CACNA2D3: variants seen among roughly 807,000 people sequenced by gnomAD.
CACNA2D3 encodes calcium voltage-gated channel auxiliary subunit alpha2delta 3.
In CACNA2D3, 60 loss-of-function variants were observed where a neutral mutation model predicts 160.6. The ratio of observed to expected loss-of-function variants is 0.37; its 90% confidence interval spans 0.30 to 0.46. CACNA2D3 has a LOEUF of 0.46. Ranked by LOEUF, CACNA2D3 falls within the 20% of genes least tolerant of loss-of-function variation. CACNA2D3 has a pLI of 1.00. For synonymous variants in CACNA2D3, 558 were observed against 492.9 expected (o/e 1.13, Z -1.75); for missense variants, 1,205 against 1,365.0 (o/e 0.88, Z 1.85).
intron 11 of CACNA2D3, among the ~76,000 whole-genome samples, chr3:54,696,824 T>G (rs1434151588): frequency 6.6e-6 from 1 of 152,226 alleles, no homozygotes; most frequent in Non-Finnish European, 1.5e-5. Context: ...AAAATCATCC[T>G]TGCTTACTTC....
At chr3:54,598,312 A>G (rs1378735391) in intron 9 of CACNA2D3, among the ~76,000 whole-genome samples, 6 of 147,406 alleles carry the variant, frequency 4.1e-5, no homozygotes, top group African/African-American at 1.5e-4. Flanking sequence ...TCTCACAAAA[A>G]AAAAAAAAAA....
At position 55,014,390 on chromosome 3, in the gene CACNA2D3, C is replaced by T. The variant is rs75153481; in HGVS notation, c.2876-3816C>T. On this transcript the variant is annotated intron_variant, in intron 34 of 37. Transcript: ENST00000474759. ...ACTGAGCTCAGTGATCCTTGAATAC[C>T]TACAGCTTTGTAAGATGTGAGTTCT... is the stretch of plus-strand genomic sequence containing the variant. Among the ~76,000 whole-genome samples, 806 of 152,226 alleles carry T rather than the reference C, an allele frequency of 5.3e-3. 11 individuals are homozygous for T. The highest frequency in any genetic ancestry group is 0.019 in the African/African-American group (769 of 41,542).
At chr3:54,878,428 C>T (rs1192572041) in intron 18 of CACNA2D3, among the ~76,000 whole-genome samples, 1 of 152,112 alleles carries the variant, frequency 6.6e-6, no homozygotes, top group Admixed American at 6.5e-5. Flanking sequence ...TGCTCCTAAA[C>T]AGGACCTCCA....
At chr3:54,983,392 T>C (rs568063643) in intron 29 of CACNA2D3, among the ~76,000 whole-genome samples, 1 of 152,346 alleles carries the variant, frequency 6.6e-6, no homozygotes, top group East Asian at 1.9e-4. Context: ...ATTGCTTCCA[T>C]GATGCTATCT....
At chr3:54,800,728 G>T (rs1407188342) in intron 13 of CACNA2D3, among the ~76,000 whole-genome samples, 1 of 152,064 alleles carries the variant, frequency 6.6e-6, no homozygotes, top group Non-Finnish European at 1.5e-5. Flanking sequence ...ATCTAGGCAG[G>T]GCTGTACTAC....
At chr3:54,447,141 T>C (rs753920897) in intron 4 of CACNA2D3, among the ~76,000 whole-genome samples, 8 of 152,202 alleles carry the variant, frequency 5.3e-5, no homozygotes, top group Non-Finnish European at 1.0e-4. Flanking sequence ...TGCTAATCTG[T>C]TTCAATTCAA....
At chr3:54,797,452 CAA>C (rs1266260878) in intron 13 of CACNA2D3, among the ~76,000 whole-genome samples, 5 of 152,148 alleles carry the variant, frequency 3.3e-5, no homozygotes, top group African/African-American at 1.2e-4. Flanking sequence ...CCTCTCTACA[CAA>C]AGCCACTATT....
At position 54,837,233 on chromosome 3, in the gene CACNA2D3, G is replaced by A. The variant is rs1371665097; in HGVS notation, c.1470+3G>A. On this transcript the variant is annotated splice_donor_region_variant and intron_variant, in intron 15 of 37. Transcript: ENST00000474759. ...TGTTTAGTAAGCAGAACGAAACCGT[G>A]AGTACAGTCGCTGAGCTTCCTGCTT... 1.2e-6 allele frequency: 2 copies of A among 1,613,590 alleles called. No homozygotes were observed. Among genetic ancestry groups the A allele is most frequent in the Non-Finnish European group, 1.7e-6 (2 of 1,179,514 alleles).
intron 27 of CACNA2D3, among the ~76,000 whole-genome samples, chr3:54,911,392 C>T (rs1320780005): frequency 7.0e-5 from 7 of 100,324 alleles, no homozygotes; most frequent in African/African-American, 2.2e-4. Context: ...GGGGGTCACA[C>T]GTTTTTCCCC....
chr3:54,811,720 C>T (rs774869328), intron 13 of CACNA2D3, among the ~76,000 whole-genome samples: 1 of 151,944 alleles, frequency 6.6e-6, no homozygotes, highest in East Asian at 1.9e-4. Flanking sequence ...ATGCTGGTCT[C>T]GAACTCCTGA....
chr3:54,950,417 C>T (rs556244742), intron 27 of CACNA2D3, among the ~76,000 whole-genome samples: 1 of 152,156 alleles, frequency 6.6e-6, no homozygotes, highest in African/African-American at 2.4e-5. Flanking sequence ...TTTTAGGGAA[C>T]CTGTGTATGC....
intron 4 of CACNA2D3, among the ~76,000 whole-genome samples, chr3:54,400,663 A>C (rs1036842247): frequency 1.3e-5 from 2 of 152,192 alleles, no homozygotes; most frequent in African/African-American, 4.8e-5. Context: ...AGCTTCACAG[A>C]GGATATACAA....
intron 9 of CACNA2D3, among the ~76,000 whole-genome samples, chr3:54,593,460 CAG>C (rs1302375669): frequency 2.6e-5 from 4 of 151,832 alleles, no homozygotes; most frequent in African/African-American, 7.2e-5. Flanking sequence ...AATAAAGGAA[CAG>C]AGGGAGGGAA....
intron 3 of CACNA2D3, among the ~76,000 whole-genome samples, chr3:54,336,629 A>G (rs564683548): frequency 6.6e-6 from 1 of 152,260 alleles, no homozygotes; most frequent in South Asian, 2.1e-4. Flanking sequence ...ACGTTGATTC[A>G]AAGAAACATA....
intron 27 of CACNA2D3, chr3:54,918,415 A>G (rs202236028): frequency 2.6e-6 from 4 of 1,560,564 alleles, no homozygotes; most frequent in East Asian, 2.3e-5. Flanking sequence ...CTCAGACACT[A>G]TCTTCTGGCC....
rs189944412 is a variant in CACNA2D3 at position 54,501,816 on chromosome 3, A to C, written c.382-1676A>C. On this transcript the variant is annotated intron_variant, in intron 4 of 37. Transcript: ENST00000474759. ...TTAACAATTCTTGCAAGGCAAGTCT[A>C]CTGGCAACAGATTCCTTCATTTTTG... is the stretch of plus-strand genomic sequence containing the variant. 7.9e-5 allele frequency among the ~76,000 whole-genome samples: 12 copies of C among 152,324 alleles called. No homozygotes were observed. The East Asian group carries it at 2.1e-3, about 27-fold the overall frequency.
chr3:54,505,621 A>G (rs777823342), intron 5 of CACNA2D3, among the ~76,000 whole-genome samples: 12 of 152,340 alleles, frequency 7.9e-5, no homozygotes, highest in Middle Eastern at 3.4e-3. Context: ...TGTGGCCAAA[A>G]GAAAGCCATC....
intron 14 of CACNA2D3, among the ~76,000 whole-genome samples, chr3:54,828,140 A>G (rs1703784503): frequency 6.6e-6 from 1 of 152,188 alleles, no homozygotes; most frequent in Admixed American, 6.5e-5. Flanking sequence ...TTAAACAAGG[A>G]GAAGGTTTTG....
chr3:54,937,572 T>C (rs2106973547), intron 27 of CACNA2D3, among the ~76,000 whole-genome samples: 1 of 152,236 alleles, frequency 6.6e-6, no homozygotes, highest in Non-Finnish European at 1.5e-5. Flanking sequence ...TATGAAAAAG[T>C]ACAGCCATTA....
Sources: allele counts gnomAD v4.1 joint callset (sites outside exome capture counted in the v4.1 genomes callset), GRCh38; gene constraint gnomAD v4.1.1; transcripts MANE v1.5; gene names NCBI Gene and HGNC (gene_info 2026-07-23, HGNC 2026-07-21).